CPNE4: variants seen among roughly 807,000 people sequenced by gnomAD.
CPNE4 encodes copine-4.
In CPNE4, 25 loss-of-function variants were observed where a neutral mutation model predicts 67.9. The ratio of observed to expected loss-of-function variants is 0.37; its 90% CI spans 0.27 to 0.51. CPNE4 has a LOEUF of 0.51. CPNE4 is among the 20% of genes least tolerant of loss of function. The pLI is 0.93. For synonymous variants in CPNE4, 242 were observed against 244.9 expected (o/e 0.99, Z 0.11); for missense variants, 464 against 690.8 (o/e 0.67, Z 3.68).
At chr3:131,869,144 C>T (rs936297191) in intron 2 of CPNE4, among the ~76,000 whole-genome samples, 1 of 152,100 alleles carries the variant, frequency 6.6e-6, no homozygotes, top group African/African-American at 2.4e-5. Flanking sequence ...CCCTCCATAT[C>T]AGCTCTAGTT....
chr3:131,976,389 C>A (rs1320433247), intron 1 of CPNE4, among the ~76,000 whole-genome samples: 1 of 152,042 alleles, frequency 6.6e-6, no homozygotes, highest in African/African-American at 2.4e-5. Context: ...CACCAAAGCT[C>A]TTTTCCCTTT....
At chr3:131,624,265 C>G (rs555839304) in intron 7 of CPNE4, among the ~76,000 whole-genome samples, 2 of 152,260 alleles carry the variant, frequency 1.3e-5, no homozygotes, top group East Asian at 3.9e-4. Context: ...TGACTGTGTC[C>G]CATTGCTACA....
intron 11 of CPNE4, 100 bp from the exon 12 acceptor site, chr3:131,555,651 A>G (rs1239639681): frequency 2.1e-6 from 2 of 960,636 alleles, no homozygotes; most frequent in Non-Finnish European, 3.3e-6. Context: ...TTGCTAGGCC[A>G]TGTTGCTATG....
At chr3:131,605,382 C>A (rs1939441983) in intron 7 of CPNE4, among the ~76,000 whole-genome samples, 1 of 152,038 alleles carries the variant, frequency 6.6e-6, no homozygotes, top group Non-Finnish European at 1.5e-5. Context: ...TCAGCCCTTA[C>A]CCTCTTCCTT....
intron 7 of CPNE4, among the ~76,000 whole-genome samples, chr3:131,665,687 A>AC (rs59729171): frequency 0.015 from 2,154 of 140,382 alleles, 42 homozygotes; most frequent in African/African-American, 0.044. Flanking sequence ...AAACAAACAA[A>AC]AAACAGAAAG....
chr3:131,886,181 C>T (rs2087883250), intron 2 of CPNE4, among the ~76,000 whole-genome samples: 2 of 152,184 alleles, frequency 1.3e-5, no homozygotes, highest in Non-Finnish European at 1.5e-5. Context: ...AGCCTAGGGA[C>T]TTCGTGCCCT....
chr3:132,033,818 G>T (rs2074291727), intron 1 of CPNE4, among the ~76,000 whole-genome samples: 1 of 152,156 alleles, frequency 6.6e-6, no homozygotes, highest in African/African-American at 2.4e-5. Flanking sequence ...TATCTCCATT[G>T]GATTCAGCCC....
intron 2 of CPNE4, among the ~76,000 whole-genome samples, chr3:131,818,707 T>C (rs2084842599): frequency 6.6e-6 from 1 of 152,242 alleles, no homozygotes; most frequent in Non-Finnish European, 1.5e-5. Context: ...CCTGATTGAA[T>C]CTTTGTGCTA....
chr3:131,575,177 T>G (rs989739046), intron 9 of CPNE4, 47 bp from the exon 10 acceptor site: 1 of 1,522,040 alleles, frequency 6.6e-7, no homozygotes, highest in Non-Finnish European at 9.1e-7. Flanking sequence ...GCACAGTCTA[T>G]TTCCTGATAT....
At chr3:131,939,375 C>T (rs145329792) in intron 1 of CPNE4, among the ~76,000 whole-genome samples, 1 of 152,078 alleles carries the variant, frequency 6.6e-6, no homozygotes, top group African/African-American at 2.4e-5. Context: ...AAACAATAAA[C>T]AGTGAATGTT....
At chr3:131,753,182 AT>A (rs1348634201) in intron 2 of CPNE4, among the ~76,000 whole-genome samples, 1 of 151,928 alleles carries the variant, frequency 6.6e-6, no homozygotes, top group African/African-American at 2.4e-5. Context: ...AAAGAAATAA[AT>A]TATGTAATAA....
At chr3:131,927,090 T>C (rs899248889) in intron 1 of CPNE4, among the ~76,000 whole-genome samples, 1 of 152,194 alleles carries the variant, frequency 6.6e-6, no homozygotes, top group African/African-American at 2.4e-5. Flanking sequence ...GACTTTTATT[T>C]ATAATTTACT....
chr3:131,876,566 C>T (rs570987080), intron 2 of CPNE4, among the ~76,000 whole-genome samples: 21 of 144,022 alleles, frequency 1.5e-4, no homozygotes, highest in Admixed American at 3.7e-4. Flanking sequence ...GGCGTGAACC[C>T]GGGAGGCGGA....
intron 1 of CPNE4, among the ~76,000 whole-genome samples, chr3:131,963,329 T>C (rs928254833): frequency 1.3e-5 from 2 of 151,854 alleles, no homozygotes; most frequent in Admixed American, 6.6e-5. Context: ...GGGCAGACAC[T>C]GAGCTAGCTG....
At chr3:131,998,744 T>C (rs2073357269) in intron 1 of CPNE4, among the ~76,000 whole-genome samples, 2 of 152,196 alleles carry the variant, frequency 1.3e-5, no homozygotes, top group South Asian at 4.1e-4. Context: ...GTTTTAGCCA[T>C]TGAGATTTTA....
intron 2 of CPNE4, among the ~76,000 whole-genome samples, chr3:131,871,315 C>T (rs1453806476): frequency 6.6e-6 from 1 of 151,892 alleles, no homozygotes; most frequent in Non-Finnish European, 1.5e-5. Context: ...TGGGATTTGC[C>T]CTGATAAGAA....
At chr3:131,961,507 T>C (rs183953889) in intron 1 of CPNE4, among the ~76,000 whole-genome samples, 148 of 152,312 alleles carry the variant, frequency 9.7e-4, no homozygotes, top group African/African-American at 3.2e-3. Context: ...GTGACTGTGC[T>C]AAGATACAGC....
At chr3:131,871,167 G>T (rs974197993) in intron 2 of CPNE4, among the ~76,000 whole-genome samples, 3 of 152,126 alleles carry the variant, frequency 2.0e-5, no homozygotes, top group African/African-American at 7.2e-5. Flanking sequence ...GAAAGAACTA[G>T]AAACAGAAAA....
chr3:132,012,563 C>A (rs544572697), intron 1 of CPNE4, among the ~76,000 whole-genome samples: 1 of 152,146 alleles, frequency 6.6e-6, no homozygotes, highest in East Asian at 1.9e-4. Flanking sequence ...GTGGGCAGAA[C>A]CTGAGCTCAG....
Sources: allele counts gnomAD v4.1 joint callset (sites outside exome capture counted in the v4.1 genomes callset), GRCh38; gene constraint gnomAD v4.1.1; transcripts MANE v1.5; gene names NCBI Gene and HGNC (gene_info 2026-07-23, HGNC 2026-07-21).